The following EPHA6 variants were observed in gnomAD, a reference collection of about 807,000 sequenced individuals.
The protein encoded by EPHA6 is ephrin type-A receptor 6.
Under a neutral mutation model 112.0 loss-of-function variants are expected in EPHA6, and 50 were observed. The observed-to-expected ratio is 0.45, with a 90% CI of 0.36 to 0.56. The LOEUF (loss-of-function observed/expected upper bound fraction) is 0.56, where lower values mean the gene tolerates loss of function less well. Among genes scored for constraint, EPHA6 ranks in the 20% least tolerant of loss-of-function variants. The pLI is 0.00. For missense variants in EPHA6, 1,280 were observed against 1,417.4 expected, an observed-to-expected ratio of 0.90 and a Z score of 1.56; for synonymous variants, 529 against 490.7, an observed-to-expected ratio of 1.08 and a Z score of -1.03.
intron 1 of EPHA6, among the ~76,000 whole-genome samples, chr3:96,865,674 C>A (rs2036262068): frequency 7.3e-6 from 1 of 136,276 alleles, no homozygotes; most frequent in Non-Finnish European, 1.5e-5. Context: ...AGAGCAAGAC[C>A]TGTCTCTTTA....
At chr3:97,432,644 A>G (rs2089582537) in intron 6 of EPHA6, among the ~76,000 whole-genome samples, 1 of 152,168 alleles carries the variant, frequency 6.6e-6, no homozygotes, top group Non-Finnish European at 1.5e-5. Context: ...GGTAATTTAT[A>G]AAGGAATGAG....
chr3:97,091,177 C>T (rs927900868), intron 3 of EPHA6, among the ~76,000 whole-genome samples: 20 of 152,102 alleles, frequency 1.3e-4, no homozygotes, highest in Non-Finnish European at 2.8e-4. Flanking sequence ...AATTTTCAGA[C>T]AGTAGAGCAT....
chr3:97,279,872 T>G (rs577994242), intron 5 of EPHA6, among the ~76,000 whole-genome samples: 1 of 152,250 alleles, frequency 6.6e-6, no homozygotes, highest in South Asian at 2.1e-4. Context: ...CATTTCTTTT[T>G]TCTTGTTGTT....
chr3:96,978,842 T>A (rs1006683485), intron 2 of EPHA6, among the ~76,000 whole-genome samples: 2 of 152,192 alleles, frequency 1.3e-5, no homozygotes, highest in Non-Finnish European at 2.9e-5. Context: ...ATTTTTTCAC[T>A]TCAGACCCTT....
intron 3 of EPHA6, among the ~76,000 whole-genome samples, chr3:97,093,665 C>T (rs1018660978): frequency 6.6e-6 from 1 of 152,192 alleles, no homozygotes; most frequent in East Asian, 1.9e-4. Flanking sequence ...TATGAGTTCT[C>T]AATATATGGT....
chr3:97,326,797 G>A (rs2082449362), intron 5 of EPHA6, among the ~76,000 whole-genome samples: 2 of 152,070 alleles, frequency 1.3e-5, no homozygotes, highest in South Asian at 4.1e-4. Context: ...TGGGAAATCT[G>A]ATGAGATTTC....
chr3:97,668,861 C>CA (rs2030446360), intron 14 of EPHA6, among the ~76,000 whole-genome samples: 1 of 118,316 alleles, frequency 8.5e-6, no homozygotes, highest in African/African-American at 3.3e-5. Context: ...TGCAGTGAGC[C>CA]AGATGGTGCC....
At chr3:97,254,399 A>T (rs1202767714) in intron 5 of EPHA6, among the ~76,000 whole-genome samples, 3 of 152,168 alleles carry the variant, frequency 2.0e-5, no homozygotes, top group African/African-American at 7.2e-5. Context: ...CATGTTAGCC[A>T]TGATGGTCTC....
intron 12 of EPHA6, among the ~76,000 whole-genome samples, chr3:97,602,984 T>C (rs904668543): frequency 6.6e-6 from 1 of 152,006 alleles, no homozygotes; most frequent in Non-Finnish European, 1.5e-5. Flanking sequence ...TTCATAATTT[T>C]GGGGAAGCAA....
At chr3:97,268,774 G>A (rs1482095833) in intron 5 of EPHA6, among the ~76,000 whole-genome samples, 1 of 152,116 alleles carries the variant, frequency 6.6e-6, no homozygotes, top group Admixed American at 6.5e-5. Flanking sequence ...TCTATCTTTA[G>A]AGGAGAAGAT....
chr3:96,841,343 T>A (rs2034736425), intron 1 of EPHA6, among the ~76,000 whole-genome samples: 1 of 152,140 alleles, frequency 6.6e-6, no homozygotes, highest in South Asian at 2.1e-4. Context: ...CTAAGCAGTT[T>A]CCCGCTTGAC....
intron 5 of EPHA6, among the ~76,000 whole-genome samples, chr3:97,353,385 C>T (rs115866684): frequency 0.022 from 3,345 of 151,964 alleles, 96 homozygotes; most frequent in African/African-American, 0.069. Context: ...CACCAGAGCC[C>T]CCTGCTGCCA....
chr3:97,031,500 T>G (rs1392632284), intron 3 of EPHA6, among the ~76,000 whole-genome samples: 1 of 151,738 alleles, frequency 6.6e-6, no homozygotes, highest in Admixed American at 6.6e-5. Flanking sequence ...ACCATCAGAG[T>G]GAACAGGCAA....
chr3:97,751,346 T>TA lies in EPHA6; in HGVS notation c.*2649dup, dbSNP rs963684389. Among the ~76,000 whole-genome samples, 2 of 152,140 alleles carry TA rather than the reference T, an allele frequency of 1.3e-5. No homozygotes were observed. Among genetic ancestry groups the TA allele is most frequent in the African/African-American group, 4.8e-5 (2 of 41,464 alleles). On this transcript the variant is annotated 3_prime_UTR_variant, in exon 18 of 18. Transcript: ENST00000389672. ...TCTCTAACATCTTTTGATAGTATCA[T>TA]AAAACTACTTTTTGCTTTGTCTCTC... is the stretch of plus-strand genomic sequence containing the variant.
chr3:97,047,745 G>A (rs2045561119), intron 3 of EPHA6, among the ~76,000 whole-genome samples: 1 of 151,792 alleles, frequency 6.6e-6, no homozygotes, highest in African/African-American at 2.4e-5. Context: ...TAAGTGGATT[G>A]TATAACTTCA....
chr3:97,427,775 G>A (rs1177128149), intron 6 of EPHA6, among the ~76,000 whole-genome samples: 1 of 151,900 alleles, frequency 6.6e-6, no homozygotes, highest in East Asian at 1.9e-4. Flanking sequence ...GCAGCAACAG[G>A]GGTGGAACTC....
intron 5 of EPHA6, among the ~76,000 whole-genome samples, chr3:97,303,926 G>A (rs1440591071): frequency 6.6e-6 from 1 of 152,010 alleles, no homozygotes; most frequent in East Asian, 1.9e-4. Context: ...CTTGAGCAGT[G>A]ATTTATAGCT....
chr3:97,042,672 T>G (rs2045358760), intron 3 of EPHA6, among the ~76,000 whole-genome samples: 1 of 152,096 alleles, frequency 6.6e-6, no homozygotes, highest in Admixed American at 6.6e-5. Flanking sequence ...ATTAGAGAAC[T>G]CCCCTGCTTT....
chr3:97,498,541 G>A (rs2092039097), intron 10 of EPHA6, among the ~76,000 whole-genome samples: 1 of 152,068 alleles, frequency 6.6e-6, no homozygotes. Flanking sequence ...AAATTTGAAA[G>A]TACAATTAGT....
Sources: allele counts gnomAD v4.1 joint callset (sites outside exome capture counted in the v4.1 genomes callset), GRCh38; gene constraint gnomAD v4.1.1; transcripts MANE v1.5; gene names NCBI Gene and HGNC (gene_info 2026-07-23, HGNC 2026-07-21).